NFATC1: variants seen among roughly 807,000 people sequenced by gnomAD.
NFATC1 encodes nuclear factor of activated T-cells, cytoplasmic 1.
A neutral mutation model predicts 76.0 loss-of-function variants in NFATC1; 22 were observed. The ratio of observed to expected loss-of-function variants is 0.29; its 90% CI spans 0.21 to 0.41. The LOEUF (loss-of-function observed/expected upper bound fraction) is 0.41, where lower values mean the gene tolerates loss of function less well. Ranked by LOEUF, NFATC1 falls within the 10% of genes least tolerant of loss-of-function variation. NFATC1 has a pLI of 1.00. For missense variants in NFATC1, 1,357 were observed against 1,337.7 expected (o/e 1.01, Z -0.23); for synonymous variants, 704 against 613.1 (o/e 1.15, Z -2.19).
At chr18:79,437,859 A>G (rs1174420327) in intron 3 of NFATC1, among the ~76,000 whole-genome samples, 1 of 152,088 alleles carries the variant, frequency 6.6e-6, no homozygotes, top group African/African-American at 2.4e-5. Flanking sequence ...TCATCCGCAC[A>G]CAGCCTCTGC....
At chr18:79,426,177 A>C (rs1157490192) in intron 2 of NFATC1, among the ~76,000 whole-genome samples, 1 of 152,054 alleles carries the variant, frequency 6.6e-6, no homozygotes, top group African/African-American at 2.4e-5. Flanking sequence ...CCTGTCTCAG[A>C]AAAAAGAATT....
At chr18:79,476,304 G>A (rs895121014) in intron 8 of NFATC1, among the ~76,000 whole-genome samples, 6 of 152,276 alleles carry the variant, frequency 3.9e-5, no homozygotes, top group Non-Finnish European at 5.9e-5. Context: ...CAGCCGGAAT[G>A]GCAAAGCCTG....
At chr18:79,412,557 C>T (rs990097913) in intron 2 of NFATC1, among the ~76,000 whole-genome samples, 2 of 152,066 alleles carry the variant, frequency 1.3e-5, no homozygotes, top group Non-Finnish European at 2.9e-5. Context: ...GTGAGGAAGG[C>T]AGGCAGTGAG....
At chr18:79,418,721 C>T (rs962539801) in intron 2 of NFATC1, among the ~76,000 whole-genome samples, 3 of 152,194 alleles carry the variant, frequency 2.0e-5, no homozygotes, top group South Asian at 2.1e-4. Context: ...TGAGCCGCTT[C>T]GGTAGCATTT....
chr18:79,429,987 AC>A (rs2144644178), intron 2 of NFATC1, among the ~76,000 whole-genome samples: 1 of 152,346 alleles, frequency 6.6e-6, no homozygotes, highest in Admixed American at 6.5e-5. Context: ...GCAGTCACCC[AC>A]GGTGTTCAGT....
intron 2 of NFATC1, chr18:79,422,304 G>A (rs1424914223): frequency 6.6e-6 from 1 of 152,318 alleles, no homozygotes; most frequent in Non-Finnish European, 1.5e-5. Context: ...GGCAAGTGCA[G>A]TCGGAGGCCC....
intron 6 of NFATC1, among the ~76,000 whole-genome samples, chr18:79,460,641 T>C (rs58861851): frequency 2.8e-4 from 43 of 152,380 alleles, no homozygotes; most frequent in African/African-American, 1.0e-3. Context: ...TGTCTCCTGA[T>C]GGGCAAGAAG....
intron 9 of NFATC1, among the ~76,000 whole-genome samples, chr18:79,509,624 C>A (rs1378367544): frequency 6.6e-6 from 1 of 152,280 alleles, no homozygotes; most frequent in Non-Finnish European, 1.5e-5. Context: ...GTTTTGACCA[C>A]TTTGATTAGG....
At chr18:79,526,828 C>T (rs548972020) in intron 9 of NFATC1, among the ~76,000 whole-genome samples, 5 of 152,214 alleles carry the variant, frequency 3.3e-5, no homozygotes, top group Non-Finnish European at 5.9e-5. Context: ...CTTATCTGGG[C>T]TCTGGGCGCT....
chr18:79,458,478 T>C (rs1258927159), intron 6 of NFATC1, among the ~76,000 whole-genome samples: 1 of 151,972 alleles, frequency 6.6e-6, no homozygotes, highest in Non-Finnish European at 1.5e-5. Context: ...GTGGCCCGGC[T>C]CCGGGCGGCG....
chr18:79,439,985 G>A (rs187884647), intron 3 of NFATC1, among the ~76,000 whole-genome samples: 10 of 152,298 alleles, frequency 6.6e-5, no homozygotes, highest in Admixed American at 4.6e-4. Context: ...CGGGGAAGGC[G>A]TGTGGCCTCT....
At chr18:79,475,948 T>A (rs1174995219) in intron 8 of NFATC1, among the ~76,000 whole-genome samples, 2 of 152,172 alleles carry the variant, frequency 1.3e-5, no homozygotes, top group African/African-American at 4.8e-5. Flanking sequence ...GATCCAGACT[T>A]CTGTGAAAGA....
rs916705004 is a variant in NFATC1 at position 79,524,745 on chromosome 18, G to A, written c.2783-2783G>A. The stretch of plus-strand genomic sequence containing the variant: ...CCCCGACGGGAACCTGGGTGGCCGG[G>A]GGACACACCGAGGAACTTTCCGCCC... On this transcript the variant is annotated intron_variant, in intron 9 of 9. Transcript: ENST00000427363. This position sits in a 1 kb window ranked among gnomAD's most constrained non-coding sequence, Gnocchi z 7.2. Among the ~76,000 whole-genome samples, 10 of 152,046 alleles carry A rather than the reference G, an allele frequency of 6.6e-5. No homozygotes were observed. Among genetic ancestry groups the A allele is most frequent in the Admixed American group, 4.6e-4 (7 of 15,274 alleles).
chr18:79,396,560 A>G (rs1262640413), intron 1 of NFATC1, among the ~76,000 whole-genome samples: 1 of 152,034 alleles, frequency 6.6e-6, no homozygotes, highest in African/African-American at 2.4e-5. Context: ...GCCTTCTGCC[A>G]ATAGGTGTCT....
At chr18:79,443,651 C>T (rs2087075921) in intron 3 of NFATC1, among the ~76,000 whole-genome samples, 1 of 152,268 alleles carries the variant, frequency 6.6e-6, no homozygotes, top group African/African-American at 2.4e-5. Context: ...TGCCCAGCCT[C>T]TGCCTCGGTT....
rs549377116 is a variant in NFATC1, at chr18:79,515,112, C to T, written c.2783-12416C>T. The stretch of plus-strand genomic sequence containing the variant: ...GTAATCCCAGCACTTTGGGAGGCAA[C>T]GGCGGGCAGATCACTGTAGCTCGGG... On this transcript the variant is annotated intron_variant, in intron 9 of 9. Coordinates refer to ENST00000427363, the MANE Select transcript of NFATC1 (RefSeq NM_001278669.2). 1.1e-3 allele frequency among the ~76,000 whole-genome samples: 164 copies of T among 151,862 alleles called. 1 individual carries two copies. Among genetic ancestry groups the T allele is most frequent in the Non-Finnish European group, 1.4e-3 (96 of 67,994 alleles).
At chr18:79,419,773 A>G (rs973086677) in intron 2 of NFATC1, among the ~76,000 whole-genome samples, 1 of 152,190 alleles carries the variant, frequency 6.6e-6, no homozygotes, top group African/African-American at 2.4e-5. Context: ...GAGCAGCGGG[A>G]TAGGTGGGCC....
chr18:79,520,413 C>T (rs138749578), intron 9 of NFATC1, among the ~76,000 whole-genome samples: 18 of 148,126 alleles, frequency 1.2e-4, no homozygotes, highest in African/African-American at 3.7e-4. Flanking sequence ...GCTCCGCTGG[C>T]GCCTCTGGCC....
intron 9 of NFATC1, among the ~76,000 whole-genome samples, chr18:79,500,821 T>C (rs1324808361): frequency 1.3e-5 from 2 of 152,098 alleles, no homozygotes; most frequent in African/African-American, 4.8e-5. Flanking sequence ...ATAATAGACC[T>C]ATAGCAGGGA....
Sources: gnomAD v4.1 joint callset for allele counts (sites outside exome capture counted in the v4.1 genomes callset) on GRCh38, gnomAD v4.1.1 for gene constraint, Gnocchi (gnomAD v3.1) non-coding constraint, MANE v1.5 for transcripts, NCBI Gene and HGNC (gene_info 2026-07-23, HGNC 2026-07-21) for gene names.